The following SAMD12 variants were observed in gnomAD, a reference collection of about 807,000 sequenced individuals.
The protein encoded by SAMD12 is sterile alpha motif domain-containing protein 12.
Under a neutral mutation model 15.0 loss-of-function variants are expected in SAMD12, and 9 were observed. The ratio of observed to expected loss-of-function variants is 0.60; its 90% CI spans 0.36 to 1.05. The LOEUF (loss-of-function observed/expected upper bound fraction) is 1.05, where lower values mean the gene tolerates loss of function less well. SAMD12 is among the 50% of genes least tolerant of loss of function. The probability of loss-of-function intolerance (pLI) is 0.01; values close to 1 mark genes in which losing one functional copy is unlikely to be tolerated. For synonymous variants in SAMD12, 86 were observed against 90.1 expected, an observed-to-expected ratio of 0.96 and a Z score of 0.25; for missense variants, 230 against 234.2, an observed-to-expected ratio of 0.98 and a Z score of 0.12.
chr8:118,140,304 C>T, the SAMD12 span, among the ~76,000 whole-genome samples: 26 of 151,902 alleles, frequency 1.7e-4, no homozygotes, highest in African/African-American at 5.3e-4. Flanking sequence ...CAGTGTCTCA[C>T]TCTGTTGCCC....
intron 4 of SAMD12, among the ~76,000 whole-genome samples, chr8:118,239,150 G>A (rs958298280): frequency 8.5e-5 from 13 of 152,092 alleles, no homozygotes; most frequent in Non-Finnish European, 1.3e-4. Context: ...TAATGGTAAT[G>A]GGAATGGTAT....
At chr8:118,312,918 A>C (rs988965672) in intron 4 of SAMD12, among the ~76,000 whole-genome samples, 30 of 152,174 alleles carry the variant, frequency 2.0e-4, no homozygotes, top group African/African-American at 7.2e-4. Context: ...ACTTGGTATT[A>C]AATGAAATAA....
At chr8:118,406,335 G>A (rs1821127583) in intron 3 of SAMD12, among the ~76,000 whole-genome samples, 1 of 151,990 alleles carries the variant, frequency 6.6e-6, no homozygotes, top group African/African-American at 2.4e-5. Context: ...GTGCAGTGGT[G>A]CGATCTCGCC....
Position 118,465,016 on chromosome 8 carries a change from A to G in SAMD12, c.193-25055T>C, listed in dbSNP as rs151003305. Among the ~76,000 whole-genome samples the G allele has an allele frequency of 1.1e-3, 165 of 152,330 alleles. 6 individuals are homozygous for G. In the South Asian group the frequency reaches 0.032, roughly 30 times the overall value. On this transcript the variant is annotated intron_variant, in intron 2 of 3. Transcript: ENST00000314727. ...GCATGGTTTTCAGTGCCTGGTCCAGAGGAGGTTCTCCATGCCTGCAGGGTA... is the reference window on the plus strand; with the variant it reads ...GCATGGTTTTCAGTGCCTGGTCCAGGGGAGGTTCTCCATGCCTGCAGGGTA...
At chr8:118,604,573 C>T (rs1827940838) in intron 1 of SAMD12, among the ~76,000 whole-genome samples, 1 of 152,118 alleles carries the variant, frequency 6.6e-6, no homozygotes, top group African/African-American at 2.4e-5. Flanking sequence ...CATGAAACCC[C>T]AAAAGAAAAC....
intron 3 of SAMD12, among the ~76,000 whole-genome samples, chr8:118,435,307 G>T (rs927242167): frequency 6.6e-6 from 1 of 151,910 alleles, no homozygotes; most frequent in Non-Finnish European, 1.5e-5. Flanking sequence ...ATTATTAATC[G>T]TTCTATTTTA....
chr8:118,435,482 C>T (rs562950676), intron 3 of SAMD12, among the ~76,000 whole-genome samples: 98 of 152,240 alleles, frequency 6.4e-4, no homozygotes, highest in Non-Finnish European at 1.2e-3. Flanking sequence ...GGGATTACTA[C>T]AGCTTCTCTT....
chr8:118,558,750 G>C (rs993898328), intron 2 of SAMD12, among the ~76,000 whole-genome samples: 1 of 152,030 alleles, frequency 6.6e-6, no homozygotes, highest in Admixed American at 6.6e-5. Flanking sequence ...AGTAGAGACG[G>C]GTTTCACTGT....
intron 2 of SAMD12, among the ~76,000 whole-genome samples, chr8:118,499,996 G>A (rs1824734463): frequency 1.4e-5 from 2 of 142,288 alleles, no homozygotes; most frequent in South Asian, 5.3e-4. Flanking sequence ...AGTAGACAGT[G>A]ATCTGTACGG....
chr8:118,447,458 A>G (rs1008690713), intron 2 of SAMD12, among the ~76,000 whole-genome samples: 29 of 152,018 alleles, frequency 1.9e-4, no homozygotes, highest in African/African-American at 5.3e-4. Context: ...ACCTGCCACT[A>G]CGCCCAGCTA....
chr8:118,504,882 G>A (rs987561424), intron 2 of SAMD12, among the ~76,000 whole-genome samples: 1 of 152,136 alleles, frequency 6.6e-6, no homozygotes, highest in Non-Finnish European at 1.5e-5. Context: ...GCCCTAGAAG[G>A]TCCAGCCACA....
chr8:118,157,420 G>A, the SAMD12 span, among the ~76,000 whole-genome samples: 11 of 152,204 alleles, frequency 7.2e-5, no homozygotes, highest in South Asian at 2.1e-4. Flanking sequence ...GGGACAGAAG[G>A]TCAGGAATGG....
At chr8:118,156,518 A>G in the SAMD12 span, among the ~76,000 whole-genome samples, 553 of 152,286 alleles carry the variant, frequency 3.6e-3, 4 homozygotes, top group African/African-American at 0.013. Context: ...GTGTGTACTC[A>G]TTACTCACCT....
At chr8:118,274,308 C>G (rs1237245952) in intron 4 of SAMD12, among the ~76,000 whole-genome samples, 2 of 152,120 alleles carry the variant, frequency 1.3e-5, no homozygotes, top group Non-Finnish European at 2.9e-5. Context: ...GAAGTCATTA[C>G]TCTGTGAGGT....
rs34411266 is a variant in SAMD12, at chr8:118,416,908, G to GT, written c.322+22923dup. 3.1e-4 allele frequency among the ~76,000 whole-genome samples: 47 copies of GT among 151,446 alleles called. 1 individual carries two copies. The highest frequency in any genetic ancestry group is 6.3e-4 in the African/African-American group (26 of 41,288). Reference sequence around the variant, plus strand: ...AAAGTGTTTCCAGATATTCCAGAGGGTTTTTTTTTCCATGTGAGCAAACTT... The same window carrying GT: ...AAAGTGTTTCCAGATATTCCAGAGGGTTTTTTTTTTCCATGTGAGCAAACTT... On this transcript the variant is annotated intron_variant, in intron 3 of 3. Coordinates refer to ENST00000314727, the MANE Select transcript of SAMD12 (RefSeq NM_207506.3).
At chr8:118,204,391 G>A (rs1259104190) in intron 4 of SAMD12, among the ~76,000 whole-genome samples, 1 of 152,114 alleles carries the variant, frequency 6.6e-6, no homozygotes, top group Non-Finnish European at 1.5e-5. Flanking sequence ...AGCGGGATCG[G>A]GAGGGGGAGT....
At chr8:118,384,320 C>T (rs1369448380) in intron 3 of SAMD12, among the ~76,000 whole-genome samples, 1 of 152,058 alleles carries the variant, frequency 6.6e-6, no homozygotes, top group Non-Finnish European at 1.5e-5. Flanking sequence ...ATAACTTGGG[C>T]ATGATATCAG....
intron 3 of SAMD12, among the ~76,000 whole-genome samples, chr8:118,405,346 C>T (rs368759404): frequency 3.4e-4 from 52 of 152,164 alleles, no homozygotes; most frequent in African/African-American, 1.2e-3. Flanking sequence ...AATATAATTA[C>T]ACAATGGAAT....
intron 2 of SAMD12, among the ~76,000 whole-genome samples, chr8:118,559,074 C>T (rs776346599): frequency 9.2e-5 from 14 of 152,142 alleles, no homozygotes; most frequent in African/African-American, 1.4e-4. Flanking sequence ...GGATTCCCTC[C>T]AGAGTGGATT....
Sources: gnomAD v4.1 joint callset for allele counts (sites outside exome capture counted in the v4.1 genomes callset) on GRCh38, gnomAD v4.1.1 for gene constraint, MANE v1.5 for transcripts, NCBI Gene and HGNC (gene_info 2026-07-23, HGNC 2026-07-21) for gene names.